CFAP221: variants seen among roughly 807,000 people sequenced by gnomAD.
CFAP221 encodes cilia and flagella associated protein 221, also known as cilia- and flagella-associated protein 221.
Under a neutral mutation model 113.1 loss-of-function variants are expected in CFAP221, and 97 were observed. That is an observed-to-expected ratio of 0.86 (90% CI 0.73 to 1.02). The LOEUF (loss-of-function observed/expected upper bound fraction) is 1.02, where lower values mean the gene tolerates loss of function less well. CFAP221 is among the 50% of genes least tolerant of loss of function. The pLI, the probability that CFAP221 is intolerant of heterozygous loss-of-function variation, is 0.00. For synonymous variants in CFAP221, 331 were observed against 354.4 expected, an observed-to-expected ratio of 0.93 and a Z score of 0.74; for missense variants, 1,025 against 1,013.4, an observed-to-expected ratio of 1.01 and a Z score of -0.16.
At chr2:119,649,579 G>A (rs1403499766) in intron 22 of CFAP221, among the ~76,000 whole-genome samples, 1 of 152,164 alleles carries the variant, frequency 6.6e-6, no homozygotes, top group Non-Finnish European at 1.5e-5. Flanking sequence ...TCCAGGGTGA[G>A]CCAGTCCACC....
At chr2:119,622,430 ACCAGAG>A (rs1685997059) in intron 14 of CFAP221, among the ~76,000 whole-genome samples, 1 of 152,232 alleles carries the variant, frequency 6.6e-6, no homozygotes, top group African/African-American at 2.4e-5. Context: ...GCCGAATTAT[ACCAGAG>A]TTACAAAGAG....
At chr2:119,627,880 C>T in intron 16 of CFAP221, 94 bp downstream of exon 16, 1 of 1,484,442 alleles carries the variant, frequency 6.7e-7, no homozygotes, top group Admixed American at 2.0e-5. Flanking sequence ...TCAGTCCCTT[C>T]ACCTCCTCCC....
chr2:119,619,265 T>C (rs1206569322), intron 14 of CFAP221, among the ~76,000 whole-genome samples: 1 of 152,174 alleles, frequency 6.6e-6, no homozygotes, highest in Non-Finnish European at 1.5e-5. Flanking sequence ...CTCAAGTGGG[T>C]CTCTGATCCC....
At chr2:119,621,439 A>G (rs1481564872) in intron 14 of CFAP221, among the ~76,000 whole-genome samples, 1 of 152,174 alleles carries the variant, frequency 6.6e-6, no homozygotes, top group East Asian at 1.9e-4. Context: ...ACACAATAAT[A>G]GTGGGAGACT....
At chr2:119,561,932 A>T (rs1681271042) in intron 5 of CFAP221, 82 bp from the exon 6 acceptor site, 5 of 895,418 alleles carry the variant, frequency 5.6e-6, no homozygotes, top group South Asian at 1.6e-5. Context: ...TGGAAACAAG[A>T]TAAGAAATAA....
intron 7 of CFAP221, among the ~76,000 whole-genome samples, chr2:119,589,213 G>A (rs567012562): frequency 1.3e-5 from 2 of 152,308 alleles, no homozygotes; most frequent in African/African-American, 4.8e-5. Context: ...AACGTTCTTG[G>A]TTTGGTTTCC....
intron 23 of CFAP221, 132 bp downstream of exon 23, chr2:119,652,201 A>G (rs1688170410): frequency 5.2e-6 from 3 of 572,384 alleles, no homozygotes; most frequent in Admixed American, 3.7e-5. Flanking sequence ...CTGGTGCTTC[A>G]TATATTTAGA....
At chr2:119,568,052 T>C (rs1184814513) in intron 6 of CFAP221, among the ~76,000 whole-genome samples, 1 of 152,058 alleles carries the variant, frequency 6.6e-6, no homozygotes, top group East Asian at 1.9e-4. Flanking sequence ...ATAGTTTGAG[T>C]ACCTTAAGAT....
chr2:119,658,703 A>T (rs1358122790), downstream of CFAP221, among the ~76,000 whole-genome samples: 1 of 152,092 alleles, frequency 6.6e-6, no homozygotes, highest in Admixed American at 6.6e-5. Context: ...AATTATGGCC[A>T]GGCGTGGTGG....
chr2:119,589,243 T>C (rs1574071835), intron 7 of CFAP221, among the ~76,000 whole-genome samples: 1 of 152,374 alleles, frequency 6.6e-6, no homozygotes, highest in East Asian at 1.9e-4. Flanking sequence ...GGTGTATCAG[T>C]ACATTGTTGG....
intron 14 of CFAP221, among the ~76,000 whole-genome samples, chr2:119,624,582 G>T (rs1686161686): frequency 6.6e-6 from 1 of 152,200 alleles, no homozygotes; most frequent in Non-Finnish European, 1.5e-5. Flanking sequence ...TATGTTTATT[G>T]CAGCACTATT....
chr2:119,555,575 ATAT>A, intron 3 of CFAP221, among the ~76,000 whole-genome samples: 1 of 152,240 alleles, frequency 6.6e-6, no homozygotes, highest in Non-Finnish European at 1.5e-5. Flanking sequence ...CCCTGAAGGG[ATAT>A]TATTTATAAC....
At chr2:119,560,086 A>C in intron 5 of CFAP221, 60 bp downstream of exon 5, 1 of 1,244,142 alleles carries the variant, frequency 8.0e-7, no homozygotes, top group Non-Finnish European at 1.1e-6. Flanking sequence ...TAAAACTTAC[A>C]TTCTCAATGG....
chr2:119,577,798 T>C (rs141834343), intron 6 of CFAP221, among the ~76,000 whole-genome samples: 19 of 152,366 alleles, frequency 1.2e-4, no homozygotes, highest in African/African-American at 4.3e-4. Flanking sequence ...TGGGGTAAGA[T>C]AATCATTCGC....
chr2:119,609,490 T>C, intron 12 of CFAP221, among the ~76,000 whole-genome samples: 1 of 152,114 alleles, frequency 6.6e-6, no homozygotes, highest in South Asian at 2.1e-4. Flanking sequence ...TCCAGACCTC[T>C]CTCCTTGGCT....
In CFAP221 at chr2:119,594,242, AT is replaced by A. The variant is rs571436967; in HGVS notation, c.632-6964del. Among the ~76,000 whole-genome samples, 956 of 144,420 alleles carry A rather than the reference AT, an allele frequency of 6.6e-3. 2 individuals are homozygous for A. Among genetic ancestry groups the A allele is most frequent in the South Asian group, 0.013 (59 of 4,492 alleles). 94.7% of individuals were successfully genotyped at this position (144,420 alleles called of 152,430 possible). A position where few individuals can be genotyped will look rare whatever the true frequency, so the allele number is the denominator to read the frequency against. On this transcript the variant is annotated intron_variant, in intron 7 of 23. Transcript: ENST00000413369. ...TGAGGTTGTCCTCTTTTTCATGTGT[AT>A]TTTTTTTTTTTGAAACAGAGTCTTG...
chr2:119,564,862 C>T (rs1574011091), intron 6 of CFAP221, among the ~76,000 whole-genome samples: 2 of 152,258 alleles, frequency 1.3e-5, no homozygotes, highest in Admixed American at 1.3e-4. Context: ...TTGTAAAGTA[C>T]ATGGCTCCTG....
At chr2:119,628,388 G>A (rs1686527876) in intron 16 of CFAP221, among the ~76,000 whole-genome samples, 1 of 149,458 alleles carries the variant, frequency 6.7e-6, no homozygotes, top group Admixed American at 6.7e-5. Context: ...TCTTCCCTTC[G>A]GGCACAATGG....
chr2:119,635,246 C>G (rs1057333146), intron 19 of CFAP221, among the ~76,000 whole-genome samples: 1 of 152,204 alleles, frequency 6.6e-6, no homozygotes, highest in Non-Finnish European at 1.5e-5. Flanking sequence ...AACTGTTTGG[C>G]AGTTTCTTAC....
Sources: gnomAD v4.1 joint callset for allele counts (sites outside exome capture counted in the v4.1 genomes callset) on GRCh38, gnomAD v4.1.1 for gene constraint, MANE v1.5 for transcripts, NCBI Gene and HGNC (gene_info 2026-07-23, HGNC 2026-07-21) for gene names.